The following RIMS1 variants were observed in gnomAD, a reference collection of about 807,000 sequenced individuals.
The protein encoded by RIMS1 is regulating synaptic membrane exocytosis protein 1.
In RIMS1, 83 loss-of-function variants were observed where a neutral mutation model predicts 214.1. That is an observed-to-expected ratio of 0.39 (90% CI 0.32 to 0.47). The LOEUF is 0.47. Ranked by LOEUF, RIMS1 falls within the 20% of genes least tolerant of loss-of-function variation. The pLI, the probability that RIMS1 is intolerant of heterozygous loss-of-function variation, is 0.99. For synonymous variants in RIMS1, 793 were observed against 786.8 expected, an observed-to-expected ratio of 1.01 and a Z score of -0.13; for missense variants, 2,050 against 2,161.8, an observed-to-expected ratio of 0.95 and a Z score of 1.03.
At chr6:72,066,492 C>G (rs932575451) in intron 2 of RIMS1, among the ~76,000 whole-genome samples, 1 of 152,148 alleles carries the variant, frequency 6.6e-6, no homozygotes, top group Non-Finnish European at 1.5e-5. Context: ...TCGGCCAACC[C>G]AAATATTAGT....
At chr6:71,974,957 G>T (rs1287202246) in intron 2 of RIMS1, among the ~76,000 whole-genome samples, 1 of 151,960 alleles carries the variant, frequency 6.6e-6, no homozygotes, top group Non-Finnish European at 1.5e-5. Context: ...GAATATAAAC[G>T]GGTGATGGGT....
chr6:72,133,615 T>C lies in RIMS1; in HGVS notation c.471+33629T>C, dbSNP rs146340316. Among the ~76,000 whole-genome samples, 853 of 152,156 alleles carry C rather than the reference T, an allele frequency of 5.6e-3. 10 individuals carry two copies. Among genetic ancestry groups the C allele is most frequent in the African/African-American group, 0.019 (808 of 41,514 alleles). On this transcript the variant is annotated intron_variant, in intron 4 of 33. Transcript: ENST00000521978. ...AGAGAAAAGAGTATGTAATTTAGAGTCAAATATACTCCATTTGGAGTAGTT... is the reference window on the plus strand; with the variant it reads ...AGAGAAAAGAGTATGTAATTTAGAGCCAAATATACTCCATTTGGAGTAGTT...
At chr6:71,967,675 C>T (rs539319086) in intron 1 of RIMS1, among the ~76,000 whole-genome samples, 1 of 152,270 alleles carries the variant, frequency 6.6e-6, no homozygotes, top group Non-Finnish European at 1.5e-5. Context: ...ACCAATTCAT[C>T]GAAAGTTTAG....
intron 4 of RIMS1, among the ~76,000 whole-genome samples, chr6:72,124,143 C>T (rs2153834589): frequency 6.6e-6 from 1 of 152,006 alleles, no homozygotes; most frequent in East Asian, 1.9e-4. Context: ...GTGCTTCCTT[C>T]AGGAGCTCTT....
At chr6:72,382,079 T>A (rs1218845160) in intron 29 of RIMS1, among the ~76,000 whole-genome samples, 1 of 152,184 alleles carries the variant, frequency 6.6e-6, no homozygotes, top group East Asian at 1.9e-4. Flanking sequence ...CACTGTATTC[T>A]TTCATTAGAA....
rs753724273 is a variant in RIMS1 at position 72,398,241 on chromosome 6, A to C, written c.4619-8A>C. ...GCTGAAACACATCTTGCTCCTTTCCATTTGCAGGTGATATACAAATAGGAA... is the reference window on the plus strand; with the variant it reads ...GCTGAAACACATCTTGCTCCTTTCCCTTTGCAGGTGATATACAAATAGGAA... On this transcript the variant is annotated splice_polypyrimidine_tract_variant and splice_region_variant and intron_variant, in intron 31 of 33. Transcript: ENST00000521978. 193 of 1,572,396 alleles carry C rather than the reference A, an allele frequency of 1.2e-4. No homozygotes were observed. Among genetic ancestry groups the C allele is most frequent in the Non-Finnish European group, 1.6e-4 (189 of 1,148,002 alleles).
At position 72,157,210 on chromosome 6, in the gene RIMS1, G is replaced by A. The variant is rs566800087; in HGVS notation, c.472-22365G>A. 1.4e-5 allele frequency among the ~76,000 whole-genome samples: 2 copies of A among 140,788 alleles called. 1 individual carries two copies. The highest frequency in any genetic ancestry group is 3.2e-5 in the Non-Finnish European group (2 of 61,820). 92.4% of individuals were successfully genotyped at this position (140,788 alleles called of 152,430 possible). ...TTTTCGGGATTTATGTGTCAGGCAT[G>A]TGGGGAACAGACTGCATCAAATATA... On this transcript the variant is annotated intron_variant, in intron 4 of 33. Coordinates refer to ENST00000521978, the MANE Select transcript of RIMS1 (RefSeq NM_014989.7).
intron 2 of RIMS1, among the ~76,000 whole-genome samples, chr6:72,052,858 C>G (rs1182660442): frequency 6.6e-6 from 1 of 152,118 alleles, no homozygotes; most frequent in East Asian, 1.9e-4. Context: ...TCAGTTTACA[C>G]TTTTAGTATG....
chr6:72,292,146 A>C (rs979755535), intron 26 of RIMS1, 100 bp downstream of exon 26: 27 of 734,328 alleles, frequency 3.7e-5, no homozygotes, highest in Non-Finnish European at 5.6e-5. Flanking sequence ...GATTATATGT[A>C]GTTTGCTGCA....
At chr6:72,065,160 G>C (rs1828970406) in intron 2 of RIMS1, among the ~76,000 whole-genome samples, 1 of 152,180 alleles carries the variant, frequency 6.6e-6, no homozygotes, top group African/African-American at 2.4e-5. Flanking sequence ...GGAGCAAAAA[G>C]AGAGCGATTT....
intron 1 of RIMS1, among the ~76,000 whole-genome samples, chr6:71,902,353 G>A (rs1270637332): frequency 2.0e-5 from 3 of 152,034 alleles, no homozygotes; most frequent in Non-Finnish European, 4.4e-5. Context: ...TACAGATGAA[G>A]CCATGCTGGG....
chr6:71,924,623 A>G (rs773899747), intron 1 of RIMS1, among the ~76,000 whole-genome samples: 36 of 144,322 alleles, frequency 2.5e-4, no homozygotes, highest in Non-Finnish European at 4.7e-4. Context: ...GCAAAACCCC[A>G]TCTCTGCAAA....
chr6:71,918,907 G>A lies in RIMS1; in HGVS notation c.164+31720G>A, dbSNP rs568843294. Among the ~76,000 whole-genome samples, 3 of 152,230 alleles carry A rather than the reference G, an allele frequency of 2.0e-5. No individual in the cohort carries two copies. In the East Asian group the frequency reaches 5.8e-4, roughly 30 times the overall value. ...TCTATCTGACTAGGGCCAGAGAGAA[G>A]GCTGGGCAAGAAAGAGAGAAGGCTG... On this transcript the variant is annotated intron_variant, in intron 1 of 33. Transcript: ENST00000521978.
At chr6:72,226,199 A>T (rs2060128717) in intron 6 of RIMS1, among the ~76,000 whole-genome samples, 1 of 152,088 alleles carries the variant, frequency 6.6e-6, no homozygotes, top group South Asian at 2.1e-4. Flanking sequence ...TATAAAATTT[A>T]TCTAAGGCAT....
chr6:72,038,118 A>AAAAAAAAAAAATATATAT (rs1820399900), intron 2 of RIMS1, among the ~76,000 whole-genome samples: 2 of 13,418 alleles, frequency 1.5e-4, no homozygotes, highest in African/African-American at 6.6e-4. Flanking sequence ...AAAAAAAAAA[A>AAAAAAAAAAAATATATAT]ATATATATAT....
chr6:72,243,143 A>G (rs1232813736), intron 10 of RIMS1, among the ~76,000 whole-genome samples: 1 of 151,782 alleles, frequency 6.6e-6, no homozygotes, highest in Non-Finnish European at 1.5e-5. Context: ...CTGTTTTATT[A>G]TACTTGGCTT....
At chr6:71,912,478 T>G (rs560384293) in intron 1 of RIMS1, among the ~76,000 whole-genome samples, 2 of 152,266 alleles carry the variant, frequency 1.3e-5, no homozygotes, top group South Asian at 4.1e-4. Context: ...TAACTGCTAT[T>G]AAATTGTAAT....
chr6:72,176,634 T>C (rs1372711756), intron 4 of RIMS1, among the ~76,000 whole-genome samples: 3 of 152,132 alleles, frequency 2.0e-5, no homozygotes, highest in Admixed American at 1.3e-4. Flanking sequence ...ACTACACTTA[T>C]AGTTAATTTA....
chr6:72,380,214 AGGGTGG>A (rs1191780931), intron 29 of RIMS1, among the ~76,000 whole-genome samples: 3 of 152,266 alleles, frequency 2.0e-5, no homozygotes, highest in Non-Finnish European at 4.4e-5. Context: ...ACTTGGACAC[AGGGTGG>A]GGAACGTCAC....
Sources: allele counts gnomAD v4.1 joint callset (sites outside exome capture counted in the v4.1 genomes callset), GRCh38; gene constraint gnomAD v4.1.1; transcripts MANE v1.5; gene names NCBI Gene and HGNC (gene_info 2026-07-23, HGNC 2026-07-21).